The following DNAJC18 variants were observed in gnomAD, a reference collection of about 807,000 sequenced individuals.
DNAJC18 encodes the protein dnaJ homolog subfamily C member 18.
DNAJC18 carries 40 observed loss-of-function variants against 48.6 expected under a neutral mutation model. That is an observed-to-expected ratio of 0.82 (90% CI 0.64 to 1.07). The LOEUF is 1.07. Among genes scored for constraint, DNAJC18 ranks in the 50% least tolerant of loss-of-function variants. The probability of loss-of-function intolerance (pLI) is 0.00; values close to 1 mark genes in which losing one functional copy is unlikely to be tolerated. For missense variants in DNAJC18, 340 were observed against 427.7 expected, an observed-to-expected ratio of 0.79 and a Z score of 1.81; for synonymous variants, 135 against 152.2, an observed-to-expected ratio of 0.89 and a Z score of 0.83.
chr5:139,437,939 T>C (rs1750707144), intron 1 of DNAJC18, among the ~76,000 whole-genome samples: 1 of 152,236 alleles, frequency 6.6e-6, no homozygotes, highest in African/African-American at 2.4e-5. Flanking sequence ...GTTAGTTTAA[T>C]GCAAGCTTGT....
Position 139,425,717 on chromosome 5 carries a change from C to T in DNAJC18, c.559+455G>A, listed in dbSNP as rs550005483. Among the ~76,000 whole-genome samples, 6 of 152,288 alleles carry T rather than the reference C, an allele frequency of 3.9e-5. No homozygotes were observed. The East Asian group carries it at 9.6e-4, about 24-fold the overall frequency. On this transcript the variant is annotated intron_variant, in intron 4 of 7. Coordinates refer to ENST00000302060, the MANE Select transcript of DNAJC18 (RefSeq NM_152686.4). ...GCATGTTCACGTCTGCTTCCGTGCC[C>T]AATACCATATTGTGTCACTGGTATC...
intron 5 of DNAJC18, among the ~76,000 whole-genome samples, chr5:139,423,374 G>C (rs1759184021): frequency 7.0e-6 from 1 of 142,100 alleles, no homozygotes; most frequent in Admixed American, 7.4e-5. Flanking sequence ...ATGCTCATTG[G>C]AGCATTTTGG....
In DNAJC18 at chr5:139,420,145, T is replaced by C; in HGVS notation, c.860A>G (p.Tyr287Cys). The change falls in exon 7 of 8, where the codon TAC becomes TGC. Residue 287 changes from tyrosine (Y) to cysteine (C), a missense_variant. Physicochemically the swap from Tyr to Cys is radical, Grantham distance 194. Transcript: ENST00000302060. Reference sequence around the variant, plus strand: ...CAAGTCATGCAGAGAAGCTCCTCTGTAGGCCTTGTCAAAGTTTTTATCCAC... The same window carrying C: ...CAAGTCATGCAGAGAAGCTCCTCTGCAGGCCTTGTCAAAGTTTTTATCCAC... ...YFVDKNFDKAYRGASLHDLEK... is the reference protein window; with the variant it reads ...YFVDKNFDKACRGASLHDLEK... 1 of 1,611,852 alleles carries C rather than the reference T, an allele frequency of 6.2e-7. No homozygotes were observed.
intron 2 of DNAJC18, 54 bp from the exon 3 acceptor site, chr5:139,428,737 T>G: frequency 6.4e-7 from 1 of 1,551,932 alleles, no homozygotes; most frequent in Non-Finnish European, 8.7e-7. Flanking sequence ...GTACAACTAA[T>G]TGCAAGATAA....
intron 2 of DNAJC18, among the ~76,000 whole-genome samples, chr5:139,431,508 TCA>T (rs1353134333): frequency 1.3e-5 from 2 of 152,232 alleles, no homozygotes; most frequent in African/African-American, 4.8e-5. Context: ...TTTTCAAGGT[TCA>T]TCCATGTTGT....
In DNAJC18 at chr5:139,410,281, A is replaced by AT. The variant is rs1758975860; in HGVS notation, c.*3866dup. ...CAGATGTAGTGGATGAGGTGGCCAG[A>AT]TTTTTTCAAGATTCTTAGTCCACCA... is the stretch of plus-strand genomic sequence containing the variant. On this transcript the variant is annotated 3_prime_UTR_variant, in exon 8 of 8. Transcript: ENST00000302060. 1 of 152,166 alleles carries AT rather than the reference A, an allele frequency of 6.6e-6. No individual in the cohort carries two copies. The highest frequency in any genetic ancestry group is 2.4e-5 in the African/African-American group (1 of 41,440). 9.4% of individuals were successfully genotyped at this position (152,166 alleles called of 1,614,324 possible).
At chr5:139,427,026 GTTC>G (rs1466131381) in intron 3 of DNAJC18, among the ~76,000 whole-genome samples, 2 of 152,122 alleles carry the variant, frequency 1.3e-5, no homozygotes, top group Non-Finnish European at 2.9e-5. Context: ...CCAAAAAAGT[GTTC>G]TTATTTCACT....
intron 2 of DNAJC18, among the ~76,000 whole-genome samples, chr5:139,434,757 T>TGC (rs928111628): frequency 6.6e-5 from 10 of 152,012 alleles, no homozygotes; most frequent in Non-Finnish European, 1.5e-4. Flanking sequence ...TTTGTGTGTG[T>TGC]GTGTGTGTGT....
intron 7 of DNAJC18, among the ~76,000 whole-genome samples, chr5:139,415,586 G>C (rs1014398283): frequency 2.0e-5 from 3 of 152,344 alleles, no homozygotes; most frequent in South Asian, 2.1e-4. Flanking sequence ...CTGCTAGCCA[G>C]GGCTTGCCTT....
At chr5:139,435,503 A>C (rs554935851) in intron 2 of DNAJC18, among the ~76,000 whole-genome samples, 1 of 152,272 alleles carries the variant, frequency 6.6e-6, no homozygotes, top group South Asian at 2.1e-4. Flanking sequence ...GATAAATCCC[A>C]CTTGGTGAAA....
rs192296547 is a variant in DNAJC18, at chr5:139,412,476, G to A, written c.*1672C>T. On this transcript the variant is annotated 3_prime_UTR_variant, in exon 8 of 8. Coordinates refer to ENST00000302060, the MANE Select transcript of DNAJC18 (RefSeq NM_152686.4). ...GGGTTTCACTGTGTTGGCCAGGCTG[G>A]TCTTGAACTCCTGACCTCAGGTGAT... is the stretch of plus-strand genomic sequence containing the variant. 21 of 355,826 alleles carry A rather than the reference G, an allele frequency of 5.9e-5. No individual in the cohort carries two copies. Among genetic ancestry groups the A allele is most frequent in the Admixed American group, 5.1e-4 (11 of 21,376 alleles). 22.0% of individuals were successfully genotyped at this position (355,826 alleles called of 1,614,324 possible). A position where few individuals can be genotyped will look rare whatever the true frequency, so the allele number is the denominator to read the frequency against.
Position 139,437,540 on chromosome 5 carries a change from C to T in DNAJC18, c.59G>A (p.Arg20Lys). Residue 20 changes from arginine to lysine, a missense_variant, in exon 2 of 8, where the codon AGA becomes AAA. Physicochemically the swap from Arg to Lys is conservative, Grantham distance 26. Coordinates refer to ENST00000302060, the MANE Select transcript of DNAJC18 (RefSeq NM_152686.4). ...TGTGTCTTCTGGGTATTTGTTTCTT[C>T]TAACTGCGTCAATGTAAGCTGCAAA... is the stretch of plus-strand genomic sequence containing the variant. Reference protein sequence around the residue: ...RWTEAYIDAVRRNKYPEDTPP... With the variant: ...RWTEAYIDAVKRNKYPEDTPP... The T allele has an allele frequency of 6.2e-7, 1 of 1,612,598 alleles. No homozygotes were observed. Among genetic ancestry groups the T allele is most frequent in the South Asian group, 1.1e-5 (1 of 90,774 alleles).
chr5:139,429,371 C>T (rs1308680658), intron 2 of DNAJC18, among the ~76,000 whole-genome samples: 1 of 151,962 alleles, frequency 6.6e-6, no homozygotes. Context: ...TGTGAGCCAC[C>T]GTGCCTGGCT....
chr5:139,416,072 G>GGA (rs1759065364), intron 7 of DNAJC18, among the ~76,000 whole-genome samples: 1 of 152,190 alleles, frequency 6.6e-6, no homozygotes, highest in Non-Finnish European at 1.5e-5. Flanking sequence ...CAAGGTCAGT[G>GGA]TTTCAAGGAA....
At chr5:139,432,865 T>C (rs1311306627) in intron 2 of DNAJC18, among the ~76,000 whole-genome samples, 2 of 152,176 alleles carry the variant, frequency 1.3e-5, no homozygotes, top group Non-Finnish European at 2.9e-5. Context: ...TTGCACAAAA[T>C]AGCAGAGTTA....
chr5:139,424,454 G>T (rs73790658), intron 5 of DNAJC18, among the ~76,000 whole-genome samples: 150 of 152,234 alleles, frequency 9.9e-4, no homozygotes, highest in Middle Eastern at 3.4e-3. Flanking sequence ...TGAAGCCGGA[G>T]CGGTGGCTCA....
chr5:139,433,653 C>G (rs982007485), intron 2 of DNAJC18, among the ~76,000 whole-genome samples: 9 of 152,022 alleles, frequency 5.9e-5, no homozygotes, highest in Non-Finnish European at 2.9e-5. Flanking sequence ...TAATTTTATG[C>G]AGGTGTGATT....
Position 139,424,717 on chromosome 5 carries a change from CAAAAAAAAAAAA to C in DNAJC18, c.669+276_669+287del, listed in dbSNP as rs70982777. Among the ~76,000 whole-genome samples, 304 of 23,088 alleles carry C rather than the reference CAAAAAAAAAAAA, an allele frequency of 0.013. 12 individuals carry two copies. The South Asian group carries it at 0.25, about 19-fold the overall frequency. 15.1% of individuals were successfully genotyped at this position (23,088 alleles called of 152,430 possible). On this transcript the variant is annotated intron_variant, in intron 5 of 7. Coordinates refer to ENST00000302060, the MANE Select transcript of DNAJC18 (RefSeq NM_152686.4). Reference sequence around the variant, plus strand: ...CCTGAGTGACAGTGAGACCCTCTCTCAAAAAAAAAAAAAAAAAAAAAAAAAAAAAAAAAGCCT... The same window carrying C: ...CCTGAGTGACAGTGAGACCCTCTCTCAAAAAAAAAAAAAAAAAAAAAGCCT...
chr5:139,439,451 T>C lies in DNAJC18; in HGVS notation c.-6A>G. ...CTGCCCAGAGTCGCCGCCATATCGG[T>C]TCCCAATCAGCAGGTCCGCCGAGCC... On this transcript the variant is annotated 5_prime_UTR_variant, in exon 1 of 8. Coordinates refer to ENST00000302060, the MANE Select transcript of DNAJC18 (RefSeq NM_152686.4). The surrounding 1 kb of genome is among the most constrained non-coding windows in gnomAD (Gnocchi z 4.1). 6.2e-7 allele frequency: 1 copy of C among 1,613,862 alleles called. No individual in the cohort carries two copies. Among genetic ancestry groups the C allele is most frequent in the Non-Finnish European group, 8.5e-7 (1 of 1,179,994 alleles).
Sources: gnomAD v4.1 joint callset for allele counts (sites outside exome capture counted in the v4.1 genomes callset) on GRCh38, gnomAD v4.1.1 for gene constraint, Gnocchi (gnomAD v3.1) non-coding constraint, MANE v1.5 for transcripts, NCBI Gene and HGNC (gene_info 2026-07-23, HGNC 2026-07-21) for gene names.